EVPLL: variants seen among roughly 807,000 people sequenced by gnomAD.
EVPLL encodes the protein envoplakin-like protein.
EVPLL carries 39 observed loss-of-function variants against 46.2 expected under a neutral mutation model. The ratio of observed to expected loss-of-function variants is 0.84; its 90% CI spans 0.65 to 1.10. The LOEUF (loss-of-function observed/expected upper bound fraction) is 1.10. EVPLL is among the 50% of genes least tolerant of loss of function. The probability of loss-of-function intolerance (pLI) is 0.00; values close to 1 mark genes in which losing one functional copy is unlikely to be tolerated. For synonymous variants in EVPLL, 156 were observed against 165.8 expected (o/e 0.94, Z 0.46); for missense variants, 385 against 412.6 (o/e 0.93, Z 0.58).
chr17:18,379,084 A>C (rs1987477140), intron 1 of EVPLL, among the ~76,000 whole-genome samples: 1 of 152,176 alleles, frequency 6.6e-6, no homozygotes, highest in Non-Finnish European at 1.5e-5. Flanking sequence ...TGTCTGTTAA[A>C]ACAAAACAGA....
At chr17:18,378,539 C>A (rs562943693) in intron 1 of EVPLL, among the ~76,000 whole-genome samples, 2 of 152,120 alleles carry the variant, frequency 1.3e-5, no homozygotes, top group African/African-American at 2.4e-5. Context: ...TGGCTGGGCG[C>A]GGTAGCTCAC....
chr17:18,379,148 C>T (rs1168476359), intron 1 of EVPLL, among the ~76,000 whole-genome samples: 1 of 152,170 alleles, frequency 6.6e-6, no homozygotes, highest in Non-Finnish European at 1.5e-5. Context: ...CACTGGGCCT[C>T]CCTTGGACCA....
At chr17:18,384,525 T>C (rs664957) in intron 9 of EVPLL, among the ~76,000 whole-genome samples, 60,223 of 151,800 alleles carry the variant, frequency 0.4, 12,640 homozygotes, top group East Asian at 0.77. Context: ...AGCCCAGGAG[T>C]TGGAGACCAG....
At chr17:18,378,646 A>G (rs1987461277) in intron 1 of EVPLL, among the ~76,000 whole-genome samples, 1 of 151,678 alleles carries the variant, frequency 6.6e-6, no homozygotes, top group African/African-American at 2.4e-5. Flanking sequence ...TCTTGTTTCT[A>G]TAAAAAAAAT....
intron 1 of EVPLL, among the ~76,000 whole-genome samples, chr17:18,379,023 T>G (rs1202368550): frequency 6.6e-6 from 1 of 152,192 alleles, no homozygotes; most frequent in Non-Finnish European, 1.5e-5. Context: ...GAGGCTGCAG[T>G]GAGCCGTGAT....
chr17:18,384,060 G>T (rs113838463), intron 9 of EVPLL, among the ~76,000 whole-genome samples: 13 of 152,292 alleles, frequency 8.5e-5, no homozygotes, highest in African/African-American at 3.1e-4. Context: ...GGGTGAAGCC[G>T]TTCCCAGGGG....
intron 1 of EVPLL, 89 bp from the exon 2 acceptor site, chr17:18,380,813 G>A: frequency 2.8e-6 from 3 of 1,087,312 alleles, no homozygotes; most frequent in South Asian, 1.4e-5. Flanking sequence ...GGGCGGGATG[G>A]GGTGGAGAGA....
rs756668742 is a variant in EVPLL, at chr17:18,383,557, C to T, written c.846C>T (p.Thr282=). Reference sequence around the variant, plus strand: ...TGAACCTGTGCATCTGCCAGGAGACCCAGCTCCAGCACGTGGAGGACTACA... The same window carrying T: ...TGAACCTGTGCATCTGCCAGGAGACTCAGCTCCAGCACGTGGAGGACTACA... ...NFLNLCICQE[T]QLQHVEDYSR... is the part of the protein sequence containing the mutation. The change falls in exon 9 of 11, where the codon ACC becomes ACT. Residue 282 remains threonine (T), a synonymous_variant. Transcript: ENST00000399134. 1 of 1,573,330 alleles carries T rather than the reference C, an allele frequency of 6.4e-7. No homozygotes were observed. Among genetic ancestry groups the T allele is most frequent in the South Asian group, 1.2e-5 (1 of 85,724 alleles).
At chr17:18,382,378 T>C in intron 4 of EVPLL, 135 bp from the exon 5 acceptor site, 1 of 1,246,738 alleles carries the variant, frequency 8.0e-7, no homozygotes, top group Non-Finnish European at 1.1e-6. Context: ...CTGCAGGGCG[T>C]GCACCCGGGC....
At chr17:18,383,685 A>G in intron 9 of EVPLL, 98 bp downstream of exon 9, 2 of 1,123,020 alleles carry the variant, frequency 1.8e-6, no homozygotes, top group Non-Finnish European at 1.3e-6. Context: ...TCAACTAGAC[A>G]GAGCTGGCAA....
In EVPLL at chr17:18,383,189, G is replaced by A. The variant is rs747523459; in HGVS notation, c.672+4G>A. ...GGGCGTGCGGCGGGAATACGAGGTC[G>A]GCTGGCAGAGGTTGGGGCCAGGCGG... On this transcript the variant is annotated splice_donor_region_variant and intron_variant, in intron 7 of 10. Transcript: ENST00000399134. 1.9e-6 allele frequency: 3 copies of A among 1,545,972 alleles called. No individual in the cohort carries two copies. Among genetic ancestry groups the A allele is most frequent in the Non-Finnish European group, 2.6e-6 (3 of 1,151,016 alleles).
rs1987431144 is a variant in EVPLL, at chr17:18,377,834, G to GCCCTCCTT, written c.-184_-177dup. On this transcript the variant is annotated 5_prime_UTR_variant, in exon 1 of 11. Coordinates refer to ENST00000399134, the MANE Select transcript of EVPLL (RefSeq NM_001145127.2). ...CCCGCTGCCTCCCACCTGCCCTCCTGCCCTCCTTCACCAGCCAAGCCCAGC... is the reference window on the plus strand; with the variant it reads ...CCCGCTGCCTCCCACCTGCCCTCCTGCCCTCCTTCCCTCCTTCACCAGCCAAGCCCAGC... 1 of 708,674 alleles carries GCCCTCCTT rather than the reference G, an allele frequency of 1.4e-6. No homozygotes were observed. Among genetic ancestry groups the GCCCTCCTT allele is most frequent in the Non-Finnish European group, 2.3e-6 (1 of 425,856 alleles). 43.9% of individuals were successfully genotyped at this position (708,674 alleles called of 1,614,324 possible).
In EVPLL at chr17:18,380,996, A is replaced by T. The variant is rs1363745718; in HGVS notation, c.59A>T (p.Gln20Leu). 1.3e-6 allele frequency: 2 copies of T among 1,587,058 alleles called. No homozygotes were observed. The highest frequency in any genetic ancestry group is 3.6e-5 in the Admixed American group (2 of 56,124). Residue 20 changes from glutamine (Q) to leucine (L), a missense_variant, in exon 2 of 11, where the codon CAG becomes CTG. Physicochemically the swap from Gln to Leu is moderately radical, Grantham distance 113. Transcript: ENST00000399134. Reference protein sequence around the residue: ...RDILETQKRLQQDRLNSEQSQ... With the variant: ...RDILETQKRLLQDRLNSEQSQ... ...ATCCTGGAGACGCAGAAGAGGCTGC[A>T]GCAGGTGAGAACCCGGCAGCAGTTG...
intron 10 of EVPLL, 58 bp downstream of exon 10, chr17:18,388,346 C>T (rs1987844451): frequency 4.0e-6 from 3 of 754,954 alleles, no homozygotes; most frequent in Non-Finnish European, 6.8e-6. Flanking sequence ...TGGGGACAGT[C>T]CTCCTGTCAT....
rs1987433283 is a variant in EVPLL, at chr17:18,377,891, C to T, written c.-129C>T. The T allele has an allele frequency of 1.8e-6, 2 of 1,109,732 alleles. No homozygotes were observed. Among genetic ancestry groups the T allele is most frequent in the African/African-American group, 3.3e-5 (2 of 60,524 alleles). The allele number at this position is 1,109,732 out of a possible 1,614,324, so 68.7% of individuals were successfully genotyped here. On this transcript the variant is annotated 5_prime_UTR_variant, in exon 1 of 11. Transcript: ENST00000399134. ...CAGCACCTGCCTTTATGACCATGTTCAAGGGACTGAGCAAAGGCTCCCAGG... is the reference window on the plus strand; with the variant it reads ...CAGCACCTGCCTTTATGACCATGTTTAAGGGACTGAGCAAAGGCTCCCAGG...
intron 9 of EVPLL, among the ~76,000 whole-genome samples, chr17:18,386,026 T>C (rs1987754150): frequency 6.6e-6 from 1 of 152,166 alleles, no homozygotes; most frequent in Admixed American, 6.5e-5. Context: ...ATTGGTTTGC[T>C]AGGGCTTCCT....
In EVPLL at chr17:18,381,740, T is replaced by G. The variant is rs538989057; in HGVS notation, c.346+10T>G. 19 of 1,613,988 alleles carry G rather than the reference T, an allele frequency of 1.2e-5. No homozygotes were observed. Among genetic ancestry groups the G allele is most frequent in the Non-Finnish European group, 1.4e-5 (17 of 1,179,990 alleles). On this transcript the variant is annotated intron_variant, in intron 4 of 10. Transcript: ENST00000399134. The surrounding 1 kb of genome is among the most constrained non-coding windows in gnomAD (Gnocchi z 4.2). ...GCTGGAGCAGAAACAGGTCAGGAGC[T>G]CAAAGTCACACCCCAGTGTGATCAG...
At chr17:18,385,942 G>A (rs1987752246) in intron 9 of EVPLL, among the ~76,000 whole-genome samples, 1 of 152,156 alleles carries the variant, frequency 6.6e-6, no homozygotes, top group Non-Finnish European at 1.5e-5. Flanking sequence ...AGTGCACTTT[G>A]GGAGGTATAG....
At chr17:18,386,905 T>C (rs1987782950) in intron 9 of EVPLL, among the ~76,000 whole-genome samples, 1 of 150,628 alleles carries the variant, frequency 6.6e-6, no homozygotes, top group Non-Finnish European at 1.5e-5. Context: ...TTTTTTTTTT[T>C]TTTTTTTGAG....
Sources: gnomAD v4.1 joint callset for allele counts (sites outside exome capture counted in the v4.1 genomes callset) on GRCh38, gnomAD v4.1.1 for gene constraint, Gnocchi (gnomAD v3.1) non-coding constraint, MANE v1.5 for transcripts, NCBI Gene and HGNC (gene_info 2026-07-23, HGNC 2026-07-21) for gene names.